The following CFAP20DC variants were observed in gnomAD, a reference collection of about 807,000 sequenced individuals.
CFAP20DC encodes CFAP20 domain containing.
CFAP20DC carries 84 observed loss-of-function variants against 101.7 expected under a neutral mutation model. The ratio of observed to expected loss-of-function variants is 0.83; its 90% CI spans 0.69 to 0.99. The LOEUF (loss-of-function observed/expected upper bound fraction) is 0.99. Ranked by LOEUF, CFAP20DC falls within the 50% of genes least tolerant of loss-of-function variation. The pLI, the probability that CFAP20DC is intolerant of heterozygous loss-of-function variation, is 0.00. For missense variants in CFAP20DC, 1,007 were observed against 970.3 expected, an observed-to-expected ratio of 1.04 and a Z score of -0.50; for synonymous variants, 359 against 351.2, an observed-to-expected ratio of 1.02 and a Z score of -0.25.
chr3:58,848,907 A>T, intron 13 of CFAP20DC, 125 bp downstream of exon 13: 1 of 1,208,394 alleles, frequency 8.3e-7, no homozygotes, highest in Non-Finnish European at 1.1e-6. Context: ...TCAGAACAGG[A>T]AAGAAAATAC....
At chr3:58,839,618 A>G (rs967074173) in intron 13 of CFAP20DC, among the ~76,000 whole-genome samples, 3 of 152,246 alleles carry the variant, frequency 2.0e-5, no homozygotes, top group African/African-American at 7.2e-5. Context: ...AATGTCTTCA[A>G]TAAACATTTG....
At chr3:58,824,854 G>T (rs1369280220) in intron 14 of CFAP20DC, among the ~76,000 whole-genome samples, 3 of 151,106 alleles carry the variant, frequency 2.0e-5, no homozygotes, top group African/African-American at 7.3e-5. Flanking sequence ...TTAAGAGATG[G>T]GGTCTCATTG....
intron 4 of CFAP20DC, among the ~76,000 whole-genome samples, chr3:58,972,748 T>A (rs1303243586): frequency 6.6e-6 from 1 of 152,184 alleles, no homozygotes; most frequent in East Asian, 1.9e-4. Context: ...CTATACTCAA[T>A]TTGTAAGTTT....
chr3:58,882,117 A>C lies in CFAP20DC; in HGVS notation c.715+2428T>G, dbSNP rs1052223788. 3.3e-5 allele frequency among the ~76,000 whole-genome samples: 5 copies of C among 152,172 alleles called. No individual in the cohort carries two copies. The highest frequency in any genetic ancestry group is 1.2e-4 in the African/African-American group (5 of 41,472). ...TTACAAACGAATATAATTGGGATTC[A>C]CAGAGCAGAAGAAATATGCTATTAG... On this transcript the variant is annotated intron_variant, in intron 7 of 16. Transcript: ENST00000482387. The surrounding 1 kb of genome is among the most constrained non-coding windows in gnomAD (Gnocchi z 4.2).
At chr3:58,862,031 T>G in intron 12 of CFAP20DC, 4 of 984,996 alleles carry the variant, frequency 4.1e-6, no homozygotes, top group Non-Finnish European at 4.8e-6. Flanking sequence ...CCCATGAAGC[T>G]CTACTGTTTC....
intron 15 of CFAP20DC, among the ~76,000 whole-genome samples, chr3:58,800,923 G>A (rs776445924): frequency 1.3e-5 from 2 of 150,420 alleles, no homozygotes; most frequent in Non-Finnish European, 3.0e-5. Flanking sequence ...ATTTTCCATG[G>A]TGTCCAGGTG....
intron 16 of CFAP20DC, among the ~76,000 whole-genome samples, chr3:58,746,012 T>C (rs911807348): frequency 3.3e-5 from 5 of 152,210 alleles, no homozygotes; most frequent in Admixed American, 6.5e-5. Flanking sequence ...AAACAGGATA[T>C]GTGAGCCAGA....
intron 4 of CFAP20DC, among the ~76,000 whole-genome samples, chr3:58,987,751 T>C (rs2092799607): frequency 6.6e-6 from 1 of 151,880 alleles, no homozygotes; most frequent in Admixed American, 6.6e-5. Flanking sequence ...ACTTCTAGAA[T>C]ATTATAATTA....
In CFAP20DC at chr3:59,049,024, T is replaced by C. The variant is rs1700103309; in HGVS notation, c.21+587A>G. ...AAAAAGCTTAATCAAGTGACCCCCA[T>C]CCAGAGATTCGGATTCACCAGATCT... On this transcript the variant is annotated intron_variant, in intron 1 of 16. Transcript: ENST00000482387. 2.6e-5 allele frequency among the ~76,000 whole-genome samples: 4 copies of C among 152,100 alleles called. No homozygotes were observed. In the South Asian group the frequency reaches 8.3e-4, roughly 32 times the overall value.
chr3:58,884,770 TC>T (rs1576126953), intron 6 of CFAP20DC, 61 bp from the exon 7 acceptor site: 1 of 1,331,754 alleles, frequency 7.5e-7, no homozygotes, highest in East Asian at 2.3e-5. Flanking sequence ...AATGGACCTA[TC>T]ATATAAATGA....
chr3:58,943,540 G>C (rs2088924049), intron 4 of CFAP20DC, among the ~76,000 whole-genome samples: 1 of 152,112 alleles, frequency 6.6e-6, no homozygotes, highest in South Asian at 2.1e-4. Context: ...GAATGAAAAG[G>C]ATGTCCACAC....
chr3:58,870,524 A>G (rs1193914413), intron 7 of CFAP20DC, among the ~76,000 whole-genome samples: 1 of 151,896 alleles, frequency 6.6e-6, no homozygotes, highest in African/African-American at 2.4e-5. Context: ...AGTACTTTTA[A>G]TAAGTCCCCC....
intron 4 of CFAP20DC, among the ~76,000 whole-genome samples, chr3:58,991,997 CTATTGT>C (rs1172135982): frequency 6.6e-6 from 1 of 152,198 alleles, no homozygotes; most frequent in African/African-American, 2.4e-5. Flanking sequence ...AGTAAGCAAA[CTATTGT>C]TATTAAGTTC....
intron 15 of CFAP20DC, among the ~76,000 whole-genome samples, chr3:58,772,246 G>A (rs73837953): frequency 0.037 from 5,655 of 152,230 alleles, 367 homozygotes; most frequent in African/African-American, 0.13. Flanking sequence ...GCCCAACACT[G>A]TGTTGGATAT....
intron 14 of CFAP20DC, among the ~76,000 whole-genome samples, chr3:58,809,936 T>C (rs1051799796): frequency 6.6e-6 from 1 of 151,960 alleles, no homozygotes; most frequent in Non-Finnish European, 1.5e-5. Flanking sequence ...TCCACGCAAA[T>C]AAACTAGAAA....
chr3:58,804,501 T>A (rs139362888), intron 15 of CFAP20DC, among the ~76,000 whole-genome samples: 8 of 152,088 alleles, frequency 5.3e-5, no homozygotes, highest in Non-Finnish European at 1.2e-4. Context: ...TAGCTGGGAT[T>A]ATAGGCATAT....
At chr3:58,981,727 C>A (rs1350765197) in intron 4 of CFAP20DC, among the ~76,000 whole-genome samples, 15 of 152,144 alleles carry the variant, frequency 9.9e-5, no homozygotes, top group Non-Finnish European at 1.8e-4. Flanking sequence ...TGAAGACTTA[C>A]ATGTTAGACC....
At chr3:58,842,228 G>A (rs1398539384) in intron 13 of CFAP20DC, among the ~76,000 whole-genome samples, 2 of 152,172 alleles carry the variant, frequency 1.3e-5, no homozygotes, top group East Asian at 1.9e-4. Context: ...GAAGACGGGT[G>A]ATTTCTGCAT....
chr3:58,900,757 A>G (rs917982942), intron 6 of CFAP20DC, among the ~76,000 whole-genome samples: 2 of 152,164 alleles, frequency 1.3e-5, no homozygotes, highest in Non-Finnish European at 2.9e-5. Flanking sequence ...TTTGCTCCCA[A>G]TATGAGGTAG....
Sources: gnomAD v4.1 joint callset for allele counts (sites outside exome capture counted in the v4.1 genomes callset) on GRCh38, gnomAD v4.1.1 for gene constraint, Gnocchi (gnomAD v3.1) non-coding constraint, MANE v1.5 for transcripts, NCBI Gene and HGNC (gene_info 2026-07-23, HGNC 2026-07-21) for gene names.